WDPCP: variants seen among roughly 807,000 people sequenced by gnomAD.
The protein encoded by WDPCP is WD repeat containing planar cell polarity effector, also known as WD repeat-containing and planar cell polarity effector protein fritz homolog.
Under a neutral mutation model 93.1 loss-of-function variants are expected in WDPCP, and 71 were observed. The ratio of observed to expected loss-of-function variants is 0.76; its 90% CI spans 0.63 to 0.93. The LOEUF is 0.93. WDPCP is among the 40% of genes least tolerant of loss of function. The pLI, the probability that WDPCP is intolerant of heterozygous loss-of-function variation, is 0.00. For missense variants in WDPCP, 844 were observed against 887.4 expected, an observed-to-expected ratio of 0.95 and a Z score of 0.62; for synonymous variants, 315 against 315.0, an observed-to-expected ratio of 1.00 and a Z score of 0.00.
At chr2:63,809,980 A>G (rs1203755477) in intron 2 of WDPCP, among the ~76,000 whole-genome samples, 5 of 152,172 alleles carry the variant, frequency 3.3e-5, no homozygotes. Flanking sequence ...TTTTTTCCTT[A>G]AATGAAATTT....
chr2:63,697,054 C>T (rs1427314270), intron 2 of WDPCP, among the ~76,000 whole-genome samples: 2 of 152,278 alleles, frequency 1.3e-5, no homozygotes, highest in East Asian at 1.9e-4. Flanking sequence ...AAATAAATTA[C>T]GCCACAACCA....
chr2:63,599,530 A>T, intron 3 of WDPCP: 1 of 298,692 alleles, frequency 3.3e-6, no homozygotes, highest in South Asian at 4.4e-5. Context: ...CTATATTTCA[A>T]TTGCTAACTA....
intron 3 of WDPCP, among the ~76,000 whole-genome samples, chr2:63,621,701 G>T (rs973975991): frequency 6.6e-6 from 1 of 152,038 alleles, no homozygotes; most frequent in South Asian, 2.1e-4. Flanking sequence ...CTAAAAAGGA[G>T]CAACCCCAAG....
chr2:63,439,789 A>C lies in WDPCP; in HGVS notation c.467T>G (p.Val156Gly), dbSNP rs1697381546. The C allele has an allele frequency of 6.2e-7, 1 of 1,613,220 alleles. No homozygotes were observed. Among genetic ancestry groups the C allele is most frequent in the Non-Finnish European group, 8.5e-7 (1 of 1,179,366 alleles). Residue 156 changes from valine (V) to glycine (G), a missense_variant, in exon 7 of 18, where the codon GTG becomes GGG. Val to Gly is a moderately radical substitution (Grantham distance 109). Coordinates refer to ENST00000272321, the MANE Select transcript of WDPCP (RefSeq NM_015910.7). Reference sequence around the variant, plus strand: ...GATGGTGTCTGAGATGAGCTTCCCCACCAGGCTTCTGTCAATCACCACTTT... The same window carrying C: ...GATGGTGTCTGAGATGAGCTTCCCCCCCAGGCTTCTGTCAATCACCACTTT... ...LEKVVIDRSL[V>G]GKLISDTISD...
intron 2 of WDPCP, among the ~76,000 whole-genome samples, chr2:63,756,676 CCAG>C (rs1669973405): frequency 6.6e-6 from 1 of 152,062 alleles, no homozygotes; most frequent in Non-Finnish European, 1.5e-5. Context: ...TATTTGAGTT[CCAG>C]TTTCCTCATA....
rs1337519717 is a variant in WDPCP, at chr2:63,353,741, G to A, written c.1748+24645C>T. 4.6e-5 allele frequency among the ~76,000 whole-genome samples: 7 copies of A among 152,170 alleles called. No individual in the cohort carries two copies. In the South Asian group the frequency reaches 6.2e-4, roughly 13 times the overall value. ...TGGCAACAGCACCGTATGTCCCTGG[G>A]ATGAAGCTCCCAGAGGGAAAGGCAG... is the stretch of plus-strand genomic sequence containing the variant. On this transcript the variant is annotated intron_variant, in intron 12 of 17. Transcript: ENST00000272321.
intron 14 of WDPCP, among the ~76,000 whole-genome samples, chr2:63,235,920 C>T (rs1000694994): frequency 5.3e-5 from 8 of 152,120 alleles, no homozygotes; most frequent in Non-Finnish European, 8.8e-5. Flanking sequence ...GAAGCATTCC[C>T]CTTAGGAACA....
intron 6 of WDPCP, among the ~76,000 whole-genome samples, chr2:63,470,430 T>G (rs931295422): frequency 6.6e-6 from 1 of 152,194 alleles, no homozygotes; most frequent in South Asian, 2.1e-4. Flanking sequence ...AAATGACAAC[T>G]CCATTCTTCC....
chr2:63,442,060 T>C (rs1697537951), intron 6 of WDPCP: 2 of 152,048 alleles, frequency 1.3e-5, no homozygotes, highest in African/African-American at 2.4e-5. Context: ...CTCTTGAGAT[T>C]GAGGCTGAGG....
At chr2:63,480,328 T>C (rs927922473) in intron 6 of WDPCP, among the ~76,000 whole-genome samples, 1 of 151,960 alleles carries the variant, frequency 6.6e-6, no homozygotes, top group Non-Finnish European at 1.5e-5. Context: ...AGTCTACAAA[T>C]TCAATGTAAT....
intron 15 of WDPCP, among the ~76,000 whole-genome samples, chr2:63,172,080 G>T (rs1424615507): frequency 6.6e-6 from 1 of 152,212 alleles, no homozygotes; most frequent in Non-Finnish European, 1.5e-5. Context: ...CTATTTGGGG[G>T]TGATGGAAAT....
intron 14 of WDPCP, among the ~76,000 whole-genome samples, chr2:63,256,900 G>A (rs760292684): frequency 1.3e-5 from 2 of 152,122 alleles, no homozygotes; most frequent in Non-Finnish European, 2.9e-5. Context: ...TACAAATCTG[G>A]ACAGCTGGGC....
intron 2 of WDPCP, among the ~76,000 whole-genome samples, chr2:63,710,940 C>A (rs1270734452): frequency 6.6e-6 from 1 of 152,086 alleles, no homozygotes; most frequent in Non-Finnish European, 1.5e-5. Context: ...TAAGCTGTGC[C>A]CAGGGAAGCT....
At position 63,421,131 on chromosome 2, in the gene WDPCP, A is replaced by T. The variant is rs141277389; in HGVS notation, c.825+12614T>A. Reference sequence around the variant, plus strand: ...ATCAATTAAAAACAAAATAGTAGCAATTGTTTTCAAATGGATACCTCTCTT... The same window carrying T: ...ATCAATTAAAAACAAAATAGTAGCATTTGTTTTCAAATGGATACCTCTCTT... On this transcript the variant is annotated intron_variant, in intron 9 of 17. Coordinates refer to ENST00000272321, the MANE Select transcript of WDPCP (RefSeq NM_015910.7). Among the ~76,000 whole-genome samples the T allele has an allele frequency of 7.6e-3, 1,157 of 152,320 alleles. 20 individuals are homozygous for T. Among genetic ancestry groups the T allele is most frequent in the African/African-American group, 0.026 (1,087 of 41,580 alleles).
In WDPCP at chr2:63,395,206, A is replaced by C. The variant is rs575830323; in HGVS notation, c.1435+8842T>G. Among the ~76,000 whole-genome samples, 37 of 152,352 alleles carry C rather than the reference A, an allele frequency of 2.4e-4. 1 individual carries two copies. Among genetic ancestry groups the C allele is most frequent in the South Asian group, 1.2e-3 (6 of 4,830 alleles). The stretch of plus-strand genomic sequence containing the variant: ...GATCCCATTTCTATGAAATTCTAGA[A>C]AAGGCAAATCGAATCTATTTTTTTA... On this transcript the variant is annotated intron_variant, in intron 10 of 17. Transcript: ENST00000272321.
intron 2 of WDPCP, among the ~76,000 whole-genome samples, chr2:63,703,349 G>T (rs926634842): frequency 1.7e-4 from 26 of 152,156 alleles, no homozygotes; most frequent in Non-Finnish European, 3.8e-4. Context: ...CAGTGTAAAA[G>T]TGTTCCTATT....
chr2:63,559,748 G>A (rs1490529245), intron 1 of WDPCP, among the ~76,000 whole-genome samples: 7 of 152,042 alleles, frequency 4.6e-5, no homozygotes, highest in African/African-American at 1.7e-4. Context: ...ACCTCTTCAA[G>A]GATAACTACA....
At chr2:63,791,992 T>A (rs1670552145) in intron 2 of WDPCP, among the ~76,000 whole-genome samples, 1 of 152,180 alleles carries the variant, frequency 6.6e-6, no homozygotes, top group Admixed American at 6.5e-5. Flanking sequence ...AAAACTATAT[T>A]AATTCATCCA....
At chr2:63,252,960 A>G (rs958502370) in intron 14 of WDPCP, among the ~76,000 whole-genome samples, 5 of 152,184 alleles carry the variant, frequency 3.3e-5, no homozygotes, top group Non-Finnish European at 2.9e-5. Context: ...AACCAAAGCA[A>G]TCCTAAGCAT....
Sources: gnomAD v4.1 joint callset for allele counts (sites outside exome capture counted in the v4.1 genomes callset) on GRCh38, gnomAD v4.1.1 for gene constraint, MANE v1.5 for transcripts, NCBI Gene and HGNC (gene_info 2026-07-23, HGNC 2026-07-21) for gene names.